GALNT18: variants seen among roughly 807,000 people sequenced by gnomAD.
GALNT18 encodes polypeptide N-acetylgalactosaminyltransferase 18.
GALNT18 carries 44 observed loss-of-function variants against 69.5 expected under a neutral mutation model. The observed-to-expected ratio is 0.63, with a 90% CI of 0.50 to 0.81. The LOEUF (loss-of-function observed/expected upper bound fraction) is 0.81, where lower values mean the gene tolerates loss of function less well. GALNT18 is among the 40% of genes least tolerant of loss of function. The pLI, the probability that GALNT18 is intolerant of heterozygous loss-of-function variation, is 0.00. For synonymous variants in GALNT18, 364 were observed against 318.2 expected, an observed-to-expected ratio of 1.14 and a Z score of -1.53; for missense variants, 715 against 810.0, an observed-to-expected ratio of 0.88 and a Z score of 1.42.
chr11:11,387,319 G>T lies in GALNT18; in HGVS notation c.596-8055C>A, dbSNP rs1223941818. 6.6e-6 allele frequency among the ~76,000 whole-genome samples: 1 copy of T among 152,066 alleles called. No homozygotes were observed. The highest frequency in any genetic ancestry group is 2.4e-5 in the African/African-American group (1 of 41,410). ...CCAGCTGCCTTCTGCAGAGGCCACG[G>T]CTTTTTGTCCCATTGTGGCCACACC... On this transcript the variant is annotated intron_variant, in intron 3 of 10. Transcript: ENST00000227756. This position sits in a 1 kb window ranked among gnomAD's most constrained non-coding sequence, Gnocchi z 4.6.
rs1343294194 is a variant in GALNT18 at position 11,582,338 on chromosome 11, C to A, written c.235+39021G>T. ...GAGGCAAAGGGCCTTTGTTCCCAAT[C>A]ATTCACTGCCCCTCCCTATAAGAGG... On this transcript the variant is annotated intron_variant, in intron 1 of 10. Coordinates refer to ENST00000227756, the MANE Select transcript of GALNT18 (RefSeq NM_198516.3). The surrounding 1 kb of genome is among the most constrained non-coding windows in gnomAD (Gnocchi z 5.0). Among the ~76,000 whole-genome samples the A allele has an allele frequency of 6.6e-6, 1 of 152,200 alleles. No individual in the cohort carries two copies. Among genetic ancestry groups the A allele is most frequent in the Non-Finnish European group, 1.5e-5 (1 of 68,028 alleles).
At chr11:11,346,696 A>G (rs947073068) in intron 6 of GALNT18, among the ~76,000 whole-genome samples, 1 of 152,176 alleles carries the variant, frequency 6.6e-6, no homozygotes, top group African/African-American at 2.4e-5. Context: ...CACCTCCCAC[A>G]TGTGGCCAAG....
chr11:11,500,932 T>G lies in GALNT18; in HGVS notation c.236-51996A>C, dbSNP rs562857905. Among the ~76,000 whole-genome samples the G allele has an allele frequency of 5.9e-5, 9 of 152,342 alleles. No homozygotes were observed. Among genetic ancestry groups the G allele is most frequent in the African/African-American group, 2.2e-4 (9 of 41,578 alleles). ...ACAGCAGGGATGCACCTCAGGCCGATTTGCTAGCTGACTAGCACAGGGGCC... is the reference window on the plus strand; with the variant it reads ...ACAGCAGGGATGCACCTCAGGCCGAGTTGCTAGCTGACTAGCACAGGGGCC... On this transcript the variant is annotated intron_variant, in intron 1 of 10. Coordinates refer to ENST00000227756, the MANE Select transcript of GALNT18 (RefSeq NM_198516.3). This position sits in a 1 kb window ranked among gnomAD's most constrained non-coding sequence, Gnocchi z 5.0.
intron 10 of GALNT18, among the ~76,000 whole-genome samples, chr11:11,281,618 C>T (rs1318987248): frequency 6.6e-6 from 1 of 152,176 alleles, no homozygotes; most frequent in Non-Finnish European, 1.5e-5. Flanking sequence ...TTTCAAGGGA[C>T]ACCTTGCCAA....
Position 11,293,131 on chromosome 11 carries a change from A to G in GALNT18, c.1575T>C (p.Asp525=), listed in dbSNP as rs112598122. ...CGTCCACCAGGCATCGGTTGTCATC[A>G]TCATCCACGGTGGGGCTCAGAATGC... ...HVGILSPTVD[D]DDNRCLVDVN... Residue 525 remains aspartate (D), a synonymous_variant, in exon 10 of 11, where the codon GAT becomes GAC. Coordinates refer to ENST00000227756, the MANE Select transcript of GALNT18 (RefSeq NM_198516.3). 4.9e-4 allele frequency: 673 copies of G among 1,369,026 alleles called. 4 individuals are homozygous for G. The African/African-American group carries it at 8.6e-3, about 17-fold the overall frequency. The allele number at this position is 1,369,026 out of a possible 1,614,324, so 84.8% of individuals were successfully genotyped here.
rs143642022 is a variant in GALNT18, at chr11:11,450,024, G to C, written c.236-1088C>G. Among the ~76,000 whole-genome samples, 194 of 152,298 alleles carry C rather than the reference G, an allele frequency of 1.3e-3. 3 individuals are homozygous for C. The highest frequency in any genetic ancestry group is 2.8e-4 in the Non-Finnish European group (19 of 68,026). On this transcript the variant is annotated intron_variant, in intron 1 of 10. Transcript: ENST00000227756. ...CCAGGACTTTGGAATTACTTCCCTG[G>C]GACAGGCCATCAGGTGAATCATTTG...
At chr11:11,476,652 C>T (rs576857164) in intron 1 of GALNT18, among the ~76,000 whole-genome samples, 95 of 152,216 alleles carry the variant, frequency 6.2e-4, no homozygotes, top group African/African-American at 2.2e-3. Context: ...ATCAAATTTC[C>T]AGCCCCCACT....
intron 9 of GALNT18, among the ~76,000 whole-genome samples, chr11:11,322,444 G>T (rs1289585430): frequency 2.0e-5 from 3 of 152,230 alleles, no homozygotes; most frequent in Admixed American, 2.0e-4. Flanking sequence ...GTGTCAGAAA[G>T]CAGAGCAAGA....
intron 8 of GALNT18, among the ~76,000 whole-genome samples, chr11:11,328,783 A>G (rs1849969253): frequency 6.6e-6 from 1 of 152,178 alleles, no homozygotes; most frequent in South Asian, 2.1e-4. Context: ...TTCTTGTCCT[A>G]CAGCCCATGA....
chr11:11,457,669 G>A (rs1353977930), intron 1 of GALNT18, among the ~76,000 whole-genome samples: 3 of 152,208 alleles, frequency 2.0e-5, no homozygotes, highest in African/African-American at 7.2e-5. Context: ...GCACTCTCTG[G>A]GAGCGGCAGC....
chr11:11,331,340 C>T (rs75494234), intron 8 of GALNT18, among the ~76,000 whole-genome samples: 4,576 of 152,216 alleles, frequency 0.03, 90 homozygotes, highest in Non-Finnish European at 0.048. Context: ...TACAATCTGG[C>T]CTTCTGGCTA....
intron 1 of GALNT18, among the ~76,000 whole-genome samples, chr11:11,597,280 G>A (rs1332829266): frequency 6.6e-6 from 1 of 152,152 alleles, no homozygotes; most frequent in African/African-American, 2.4e-5. Context: ...GTCTGGTTTT[G>A]ATATCAGGGT....
At chr11:11,271,657 G>A (rs949792207) in intron 10 of GALNT18, among the ~76,000 whole-genome samples, 2 of 116,674 alleles carry the variant, frequency 1.7e-5, no homozygotes, top group Admixed American at 9.3e-5. Context: ...CCCATCATTG[G>A]CCTGCATTTG....
At chr11:11,566,102 T>A (rs1169700522) in intron 1 of GALNT18, among the ~76,000 whole-genome samples, 1 of 152,246 alleles carries the variant, frequency 6.6e-6, no homozygotes, top group East Asian at 1.9e-4. Flanking sequence ...CACATATATT[T>A]TTTTAAATTA....
In GALNT18 at chr11:11,621,551, C is replaced by T; in HGVS notation, c.43G>A (p.Val15Met). The part of the protein sequence containing the change: ...RKTKTLVSTC[V>M]ILSGMTNIIC... ...ATGTTAGTCATGCCGCTCAGGATCA[C>T]GCAAGTGGACACCAAAGTTTTGGTC... Residue 15 changes from valine (V) to methionine (M), a missense_variant, in exon 1 of 11, where the codon GTG (valine) becomes ATG (methionine). Coordinates refer to ENST00000227756, the MANE Select transcript of GALNT18 (RefSeq NM_198516.3). The surrounding 1 kb of genome is among the most constrained non-coding windows in gnomAD (Gnocchi z 9.3). 6.2e-7 allele frequency: 1 copy of T among 1,613,428 alleles called. No individual in the cohort carries two copies. Among genetic ancestry groups the T allele is most frequent in the Non-Finnish European group, 8.5e-7 (1 of 1,179,662 alleles).
rs1335796521 is a variant in GALNT18 at position 11,538,997 on chromosome 11, C to A, written c.235+82362G>T. ...ATGTGGGCATATCCAGAGCAGGGAC[C>A]TAACTATCTTGTTCTCTGTGACATC... On this transcript the variant is annotated intron_variant, in intron 1 of 10. Transcript: ENST00000227756. The surrounding 1 kb of genome is among the most constrained non-coding windows in gnomAD (Gnocchi z 5.2). Among the ~76,000 whole-genome samples, 1 of 152,186 alleles carries A rather than the reference C, an allele frequency of 6.6e-6. No homozygotes were observed. Among genetic ancestry groups the A allele is most frequent in the Non-Finnish European group, 1.5e-5 (1 of 68,036 alleles).
chr11:11,293,971 A>C (rs1401591385), intron 9 of GALNT18, among the ~76,000 whole-genome samples: 4 of 152,162 alleles, frequency 2.6e-5, no homozygotes, highest in African/African-American at 9.7e-5. Flanking sequence ...GAGGTGGCCA[A>C]CTTTTTCTTA....
intron 10 of GALNT18, among the ~76,000 whole-genome samples, chr11:11,275,350 G>A (rs1391801719): frequency 2.0e-5 from 3 of 152,206 alleles, no homozygotes; most frequent in East Asian, 1.9e-4. Flanking sequence ...CTTTTGAGAA[G>A]TGTCTGTTCA....
In GALNT18 at chr11:11,541,581, C is replaced by A. The variant is rs1162817195; in HGVS notation, c.235+79778G>T. On this transcript the variant is annotated intron_variant, in intron 1 of 10. Coordinates refer to ENST00000227756, the MANE Select transcript of GALNT18 (RefSeq NM_198516.3). This position sits in a 1 kb window ranked among gnomAD's most constrained non-coding sequence, Gnocchi z 4.8. ...AATCCATTAGTCTGACATATAAAGC[C>A]TTCCTGGGCTGGCACCCCAGCCCCA... Among the ~76,000 whole-genome samples, 1 of 152,172 alleles carries A rather than the reference C, an allele frequency of 6.6e-6. No homozygotes were observed.
Sources: gnomAD v4.1 joint callset for allele counts (sites outside exome capture counted in the v4.1 genomes callset) on GRCh38, gnomAD v4.1.1 for gene constraint, Gnocchi (gnomAD v3.1) non-coding constraint, MANE v1.5 for transcripts, NCBI Gene and HGNC (gene_info 2026-07-23, HGNC 2026-07-21) for gene names.